Variants in GYS2 observed in about 807,000 individuals in gnomAD.
The protein encoded by GYS2 is glycogen synthase 2.
A neutral mutation model predicts 85.6 loss-of-function variants in GYS2; 80 were observed. The ratio of observed to expected loss-of-function variants is 0.93; its 90% CI spans 0.78 to 1.13. The LOEUF (loss-of-function observed/expected upper bound fraction) is 1.13. Among genes scored for constraint, GYS2 ranks in the 50% most tolerant of loss-of-function variants. The probability of loss-of-function intolerance (pLI) is 0.00; values close to 1 mark genes in which losing one functional copy is unlikely to be tolerated. For synonymous variants in GYS2, 328 were observed against 300.7 expected, an observed-to-expected ratio of 1.09 and a Z score of -0.94; for missense variants, 881 against 854.9, an observed-to-expected ratio of 1.03 and a Z score of -0.38.
At position 21,560,479 on chromosome 12, in the gene GYS2, TCAC is replaced by T; in HGVS notation, c.1073_1075del (p.Ser358_Asp359delinsAsn). 1 of 1,501,986 alleles carries T rather than the reference TCAC, an allele frequency of 6.7e-7. No individual in the cohort carries two copies. Among genetic ancestry groups the T allele is most frequent in the Non-Finnish European group, 9.3e-7 (1 of 1,077,418 alleles). The allele number at this position is 1,501,986 out of a possible 1,614,324, so 93.0% of individuals were successfully genotyped here. A position where few individuals can be genotyped will look rare whatever the true frequency, so the allele number is the denominator to read the frequency against. On this transcript the variant is annotated inframe_deletion, in exon 8 of 16. Transcript: ENST00000261195. ...AATGAAAAACACCATCACTGTGATG[TCAC>T]TTTTATGCATCTGATGAGGAATTAG...
At chr12:21,556,528 T>C (rs1035759897) in intron 11 of GYS2, among the ~76,000 whole-genome samples, 1 of 152,202 alleles carries the variant, frequency 6.6e-6, no homozygotes, top group Admixed American at 6.5e-5. Flanking sequence ...CTGCTGCCCA[T>C]GCACCAATGT....
intron 1 of GYS2, among the ~76,000 whole-genome samples, chr12:21,599,481 T>C (rs1052483692): frequency 3.3e-5 from 5 of 152,138 alleles, no homozygotes; most frequent in African/African-American, 9.7e-5. Context: ...CTACCTACAA[T>C]GGCAGCTCCA....
At chr12:21,555,384 A>C (rs1944166755) in intron 11 of GYS2, among the ~76,000 whole-genome samples, 1 of 152,154 alleles carries the variant, frequency 6.6e-6, no homozygotes, top group Non-Finnish European at 1.5e-5. Context: ...CCAGGGATGT[A>C]GCTCACTTAT....
At chr12:21,534,142 G>T (rs1010234364), downstream of GYS2, among the ~76,000 whole-genome samples, 3 of 152,134 alleles carry the variant, frequency 2.0e-5, no homozygotes, top group African/African-American at 7.2e-5. Flanking sequence ...TTTATGATGG[G>T]ATGAAAGCAA....
intron 1 of GYS2, among the ~76,000 whole-genome samples, chr12:21,597,809 C>T (rs1007181894): frequency 6.6e-6 from 1 of 152,032 alleles, no homozygotes; most frequent in Non-Finnish European, 1.5e-5. Context: ...AAGTGTCCAT[C>T]AATGGATGAA....
intron 8 of GYS2, 135 bp from the exon 9 acceptor site, chr12:21,559,845 C>A: frequency 4.4e-6 from 3 of 686,504 alleles, no homozygotes; most frequent in Non-Finnish European, 5.1e-6. Context: ...TTTTTATAGT[C>A]TCTTCTATTA....
At position 21,559,684 on chromosome 12, in the gene GYS2, T is replaced by G; in HGVS notation, c.1196A>C (p.Lys399Thr). 1.3e-6 allele frequency: 2 copies of G among 1,595,076 alleles called. No homozygotes were observed. Among genetic ancestry groups the G allele is most frequent in the South Asian group, 1.1e-5 (1 of 90,652 alleles). ...LWDVAHSVKE[K>T]FGKKLYDALL... ...TGCATCATAGAGTTTTTTTCCAAACTTTTCCTTCACAGAATGTGCAACATC... is the reference window on the plus strand; with the variant it reads ...TGCATCATAGAGTTTTTTTCCAAACGTTTCCTTCACAGAATGTGCAACATC... The change falls in exon 9 of 16, where the codon AAG becomes ACG. Residue 399 changes from lysine to threonine, a missense_variant. By Grantham distance (78) the Lys-to-Thr change is moderately conservative (BLOSUM62 -1). Coordinates refer to ENST00000261195, the MANE Select transcript of GYS2 (RefSeq NM_021957.4).
Position 21,600,571 on chromosome 12 carries a change from T to A in GYS2, c.121+3901A>T, listed in dbSNP as rs544589126. Among the ~76,000 whole-genome samples the A allele has an allele frequency of 8.5e-5, 13 of 152,272 alleles. No individual in the cohort carries two copies. In the South Asian group the frequency reaches 2.5e-3, roughly 29 times the overall value. On this transcript the variant is annotated intron_variant, in intron 1 of 15. Transcript: ENST00000261195. The stretch of plus-strand genomic sequence containing the variant: ...AGAGAAAAGCCATTTGGAAAACTTC[T>A]GTGTTAACAAAAAACAGCCGAGTAG...
intron 15 of GYS2, among the ~76,000 whole-genome samples, chr12:21,538,497 T>C (rs545707842): frequency 8.5e-5 from 13 of 152,314 alleles, no homozygotes; most frequent in African/African-American, 3.1e-4. Flanking sequence ...GCATGAAAGC[T>C]GGTTTGCGGA....
chr12:21,602,788 T>G (rs914999426), intron 1 of GYS2, among the ~76,000 whole-genome samples: 2 of 152,064 alleles, frequency 1.3e-5, no homozygotes, highest in Non-Finnish European at 2.9e-5. Context: ...ATCCATAAAA[T>G]AACTTAGTTT....
intron 3 of GYS2, 119 bp from the exon 4 acceptor site, chr12:21,574,445 G>T: frequency 1.4e-6 from 1 of 727,952 alleles, no homozygotes; most frequent in South Asian, 1.6e-5. Flanking sequence ...TAAAGGAGTC[G>T]AAACATAAAG....
chr12:21,575,878 C>T lies in GYS2; in HGVS notation c.483G>A (p.Trp161Ter), dbSNP rs771255228. The change falls in exon 3 of 16, where the codon TGG becomes TGA. Residue 161 changes from tryptophan to a stop codon, truncating the protein, a stop_gained. Transcript: ENST00000261195. LOFTEE classifies it high-confidence loss of function. ...TAATAAACCATACCTCTTTTAAGAA[C>T]CAGGCAGTTAAAGATCCAAATATCA... is the stretch of plus-strand genomic sequence containing the variant. ...DMLIFGSLTA[W>*]FLKEVTDHAD... The T allele has an allele frequency of 8.1e-6, 13 of 1,612,608 alleles. No homozygotes were observed. Among genetic ancestry groups the T allele is most frequent in the Non-Finnish European group, 1.1e-5 (13 of 1,178,866 alleles).
intron 2 of GYS2, among the ~76,000 whole-genome samples, chr12:21,576,352 A>G (rs1254114341): frequency 6.6e-6 from 1 of 152,058 alleles, no homozygotes; most frequent in Non-Finnish European, 1.5e-5. Flanking sequence ...GTGACCATGA[A>G]CTCACAGTGA....
At chr12:21,565,614 TTTAA>T (rs1455410623) in intron 5 of GYS2, among the ~76,000 whole-genome samples, 30 of 150,402 alleles carry the variant, frequency 2.0e-4, no homozygotes, top group African/African-American at 3.4e-4. Context: ...ATTAATTTAA[TTTAA>T]TTAGTTTATA....
rs1591796032 is a variant in GYS2 at position 21,568,881 on chromosome 12, C to T, written c.807G>A (p.Met269Ile). 2 of 1,613,322 alleles carry T rather than the reference C, an allele frequency of 1.2e-6. No homozygotes were observed. The highest frequency in any genetic ancestry group is 2.7e-5 in the African/African-American group (2 of 74,928). Residue 269 changes from methionine (M) to isoleucine (I), a missense_variant, in exon 5 of 16, where the codon ATG becomes ATA. Physicochemically the swap from Met to Ile is conservative, Grantham distance 10 (BLOSUM62 1). Transcript: ENST00000261195. The part of the protein sequence containing the change: ...SEITAIEAEH[M>I]LKRKPDVVTP... The stretch of plus-strand genomic sequence containing the variant: ...AATAATTACCAGGCTTTCTCTTCAG[C>T]ATATGTTCAGCTTCTATTGCTGTTA...
At chr12:21,535,947 C>T (rs540337079), downstream of GYS2, among the ~76,000 whole-genome samples, 71 of 152,270 alleles carry the variant, frequency 4.7e-4, no homozygotes, top group Non-Finnish European at 9.6e-4. Context: ...ATGCACATCA[C>T]AGAATATGTT....
At chr12:21,591,295 A>G (rs1600124) in intron 1 of GYS2, among the ~76,000 whole-genome samples, 135,203 of 151,990 alleles carry the variant, frequency 0.89, 60,687 homozygotes, top group East Asian at 1. Flanking sequence ...AGATAGATAC[A>G]ACAAGAATGA....
intron 1 of GYS2, among the ~76,000 whole-genome samples, chr12:21,600,501 C>T (rs556409143): frequency 1.2e-4 from 19 of 152,168 alleles, no homozygotes; most frequent in African/African-American, 4.6e-4. Flanking sequence ...GAAAGATAAA[C>T]ATCGTTAGGT....
chr12:21,556,364 T>A (rs1038855609), intron 11 of GYS2, among the ~76,000 whole-genome samples: 2 of 152,038 alleles, frequency 1.3e-5, no homozygotes, highest in African/African-American at 4.8e-5. Context: ...AGAGACAGGG[T>A]TTCACCATGT....
Sources: allele counts gnomAD v4.1 joint callset (sites outside exome capture counted in the v4.1 genomes callset), GRCh38; gene constraint gnomAD v4.1.1; transcripts MANE v1.5; gene names NCBI Gene and HGNC (gene_info 2026-07-23, HGNC 2026-07-21).